Variants in EVL observed in about 807,000 individuals in gnomAD.
EVL encodes the protein Enah/Vasp-like.
A neutral mutation model predicts 59.6 loss-of-function variants in EVL; 21 were observed. The ratio of observed to expected loss-of-function variants is 0.35; its 90% CI spans 0.25 to 0.51. The LOEUF (loss-of-function observed/expected upper bound fraction) is 0.51, where lower values mean the gene tolerates loss of function less well. Ranked by LOEUF, EVL falls within the 20% of genes least tolerant of loss-of-function variation. The pLI, the probability that EVL is intolerant of heterozygous loss-of-function variation, is 0.97. For synonymous variants in EVL, 198 were observed against 203.5 expected (o/e 0.97, Z 0.23); for missense variants, 462 against 546.6 (o/e 0.85, Z 1.54).
chr14:100,046,542 C>T (rs576992405), intron 1 of EVL, among the ~76,000 whole-genome samples: 1 of 150,872 alleles, frequency 6.6e-6, no homozygotes, highest in South Asian at 2.1e-4. Flanking sequence ...TGGCGCTTGC[C>T]TGTAATCCCA....
intron 4 of EVL, among the ~76,000 whole-genome samples, chr14:100,125,047 GACACAC>G (rs10569974): frequency 6.9e-6 from 1 of 144,374 alleles, no homozygotes; most frequent in African/African-American, 2.5e-5. Flanking sequence ...CATGTGGATA[GACACAC>G]ACACACACAC....
At chr14:100,092,496 A>G (rs2062586342) in intron 2 of EVL, among the ~76,000 whole-genome samples, 1 of 152,188 alleles carries the variant, frequency 6.6e-6, no homozygotes, top group Non-Finnish European at 1.5e-5. Flanking sequence ...ACACTTTGGG[A>G]GACCGAGGTG....
At chr14:100,001,593 AGTCT>A (rs2060946583) in intron 1 of EVL, among the ~76,000 whole-genome samples, 1 of 152,210 alleles carries the variant, frequency 6.6e-6, no homozygotes, top group Non-Finnish European at 1.5e-5. Flanking sequence ...CCATTGAAGG[AGTCT>A]CAGATAAGGC....
intron 1 of EVL, among the ~76,000 whole-genome samples, chr14:100,070,521 G>A (rs927055810): frequency 4.6e-5 from 7 of 152,172 alleles, no homozygotes; most frequent in African/African-American, 1.7e-4. Flanking sequence ...GTAGCACCCC[G>A]TGCCTGCGTG....
rs756735010 is a variant in EVL at position 100,028,130 on chromosome 14, G to GTTTTTTT, written c.5+56076_5+56077insTTTTTTT. Among the ~76,000 whole-genome samples, 66 of 99,574 alleles carry GTTTTTTT rather than the reference G, an allele frequency of 6.6e-4. 2 individuals carry two copies. The highest frequency in any genetic ancestry group is 3.1e-3 in the African/African-American group (64 of 20,514). The allele number at this position is 99,574 out of a possible 152,430, so 65.3% of individuals were successfully genotyped here. On this transcript the variant is annotated intron_variant, in intron 1 of 13. Coordinates refer to the EVL transcript ENST00000402714. Reference sequence around the variant, plus strand: ...TCTACTTTTAGTTGTTTTTTTGTTTGTTTGTTTTTTTTTTTTTTTTTGAGG... The same window carrying GTTTTTTT: ...TCTACTTTTAGTTGTTTTTTTGTTTGTTTTTTTTTTGTTTTTTTTTTTTTTTTTGAGG...
intron 1 of EVL, among the ~76,000 whole-genome samples, chr14:100,080,394 T>G (rs1342541175): frequency 6.6e-6 from 1 of 152,214 alleles, no homozygotes; most frequent in African/African-American, 2.4e-5. Context: ...CCATCTTCCC[T>G]GCTGTGCCCT....
At chr14:100,067,255 C>T (rs1054644195) in intron 1 of EVL, among the ~76,000 whole-genome samples, 28 of 152,204 alleles carry the variant, frequency 1.8e-4, no homozygotes, top group South Asian at 2.1e-4. Context: ...CTCATGCTGA[C>T]TGACACATGG....
At chr14:100,065,913 A>T (rs892575143) in intron 1 of EVL, among the ~76,000 whole-genome samples, 1 of 152,182 alleles carries the variant, frequency 6.6e-6, no homozygotes, top group African/African-American at 2.4e-5. Context: ...TTTTTTCTAA[A>T]TATAGGCAGA....
intron 1 of EVL, among the ~76,000 whole-genome samples, chr14:100,000,340 CTTTTTTTTTTTTT>C (rs60864913): frequency 0.036 from 3,617 of 100,058 alleles, 203 homozygotes; most frequent in African/African-American, 0.13. Context: ...CTGTTGCATT[CTTTTTTTTTTTTT>C]TTTTTTTTTT....
chr14:100,111,020 G>A (rs1202920930), intron 3 of EVL, among the ~76,000 whole-genome samples: 1 of 152,116 alleles, frequency 6.6e-6, no homozygotes, highest in African/African-American at 2.4e-5. Flanking sequence ...TGACAGAAGT[G>A]GCACAGATTG....
At chr14:100,087,449 A>G (rs934667887) in intron 2 of EVL, among the ~76,000 whole-genome samples, 2 of 152,110 alleles carry the variant, frequency 1.3e-5, no homozygotes, top group Non-Finnish European at 2.9e-5. Flanking sequence ...CCCCATCTCT[A>G]TAAAAAAATA....
intron 11 of EVL, 100 bp downstream of exon 11, chr14:100,137,902 C>A: frequency 8.3e-7 from 1 of 1,206,942 alleles, no homozygotes; most frequent in Non-Finnish European, 1.2e-6. Context: ...CACGTCCTGG[C>A]ATTTAACAAC....
In EVL at chr14:100,114,328, C is replaced by T. The variant is rs1235648165; in HGVS notation, c.359-9211C>T. ...ACACCTACCCTGTTCCATCCCATTG[C>T]CCACAGGGTTAAGAGGAGTGCCACC... On this transcript the variant is annotated intron_variant, in intron 3 of 13. Coordinates refer to ENST00000392920, the MANE Select transcript of EVL (RefSeq NM_016337.3). This position sits in a 1 kb window ranked among gnomAD's most constrained non-coding sequence, Gnocchi z 5.0. Among the ~76,000 whole-genome samples the T allele has an allele frequency of 6.6e-6, 1 of 152,098 alleles. No individual in the cohort carries two copies. Among genetic ancestry groups the T allele is most frequent in the Non-Finnish European group, 1.5e-5 (1 of 68,022 alleles).
chr14:99,991,960 C>CTGTG (rs58443751), intron 1 of EVL, among the ~76,000 whole-genome samples: 3,285 of 144,312 alleles, frequency 0.023, 125 homozygotes, highest in African/African-American at 0.074. Context: ...AGGGTCAACT[C>CTGTG]TGTGTGTGTG....
At chr14:100,066,181 A>G (rs2061926643) in intron 1 of EVL, among the ~76,000 whole-genome samples, 1 of 152,216 alleles carries the variant, frequency 6.6e-6, no homozygotes, top group Non-Finnish European at 1.5e-5. Context: ...GGTTTGGGGC[A>G]TTTGTTTGAT....
intron 1 of EVL, among the ~76,000 whole-genome samples, chr14:100,018,316 CGAGAAGGG>C (rs1566970161): frequency 2.6e-5 from 4 of 152,070 alleles, no homozygotes; most frequent in Non-Finnish European, 5.9e-5. Context: ...TCCATGGGCC[CGAGAAGGG>C]AGGTCCTGAC....
At chr14:100,138,732 A>AG (rs1888967021) in intron 11 of EVL, 1 of 152,354 alleles carries the variant, frequency 6.6e-6, no homozygotes, top group Non-Finnish European at 1.5e-5. Flanking sequence ...TGTGGTCCTG[A>AG]GGGGTGCTCT....
At position 100,132,769 on chromosome 14, in the gene EVL, A is replaced by G; in HGVS notation, c.890A>G (p.Glu297Gly). 1 of 1,614,166 alleles carries G rather than the reference A, an allele frequency of 6.2e-7. No homozygotes were observed. The highest frequency in any genetic ancestry group is 1.3e-5 in the African/African-American group (1 of 75,066). Residue 297 changes from glutamate to glycine, a missense_variant, in exon 8 of 14, where the codon GAA (glutamate) becomes GGA (glycine). Transcript: ENST00000392920. ...SDKPAEKKED[E>G]SQMEDPSTSP... is the part of the protein sequence containing the mutation. ...AAGCCAGCCGAGAAGAAGGAAGATG[A>G]AAGCCAAATGGTGAGCAAGCAGCCC...
intron 3 of EVL, chr14:100,102,441 A>G (rs1283173457): frequency 6.7e-6 from 3 of 450,620 alleles, no homozygotes; most frequent in East Asian, 7.0e-5. Context: ...TGACATCTAC[A>G]TTGTCTACAT....
Sources: allele counts gnomAD v4.1 joint callset (sites outside exome capture counted in the v4.1 genomes callset), GRCh38; gene constraint gnomAD v4.1.1; non-coding constraint Gnocchi (gnomAD v3.1); transcripts MANE v1.5; gene names NCBI Gene and HGNC (gene_info 2026-07-23, HGNC 2026-07-21).